RXRA: variants seen among roughly 807,000 people sequenced by gnomAD.
RXRA encodes the protein retinoid X receptor alpha.
A neutral mutation model predicts 44.5 loss-of-function variants in RXRA; 5 were observed. The observed-to-expected ratio is 0.11, with a 90% CI of 0.06 to 0.24. The LOEUF (loss-of-function observed/expected upper bound fraction) is 0.24, where lower values mean the gene tolerates loss of function less well. RXRA is among the 10% of genes least tolerant of loss of function. The probability of loss-of-function intolerance (pLI) is 1.00; values close to 1 mark genes in which losing one functional copy is unlikely to be tolerated. For missense variants in RXRA, 412 were observed against 646.5 expected, an observed-to-expected ratio of 0.64 and a Z score of 3.93; for synonymous variants, 291 against 271.4, an observed-to-expected ratio of 1.07 and a Z score of -0.71.
chr9:134,436,333 C>G, intron 9 of RXRA, 134 bp from the exon 10 acceptor site: 2 of 851,028 alleles, frequency 2.4e-6, no homozygotes, highest in Non-Finnish European at 3.7e-6. Context: ...TTGGCATAGG[C>G]AGATTCAGGG....
At chr9:134,430,009 C>G (rs950910915) in intron 7 of RXRA, among the ~76,000 whole-genome samples, 4 of 152,196 alleles carry the variant, frequency 2.6e-5, no homozygotes, top group Admixed American at 2.6e-4. Flanking sequence ...CCTCAGCCTC[C>G]CGAGTAGCTG....
rs1462146845 is a variant in RXRA, at chr9:134,343,232, C to A, written c.28+16573C>A. Among the ~76,000 whole-genome samples the A allele has an allele frequency of 6.6e-6, 1 of 152,110 alleles. No homozygotes were observed. The highest frequency in any genetic ancestry group is 2.4e-5 in the African/African-American group (1 of 41,418). On this transcript the variant is annotated intron_variant, in intron 1 of 9. Coordinates refer to ENST00000481739, the MANE Select transcript of RXRA (RefSeq NM_002957.6). The surrounding 1 kb of genome is among the most constrained non-coding windows in gnomAD (Gnocchi z 4.1). ...TGAGTGTCGACTTTCTCATCTGTGA[C>A]GTGGGGTGAGGGCACTTGCTGCCCA...
chr9:134,344,128 C>T (rs1830120372), intron 1 of RXRA, among the ~76,000 whole-genome samples: 1 of 152,214 alleles, frequency 6.6e-6, no homozygotes, highest in Non-Finnish European at 1.5e-5. Context: ...CCAGCGTTCC[C>T]TGCGCTTGAA....
In RXRA at chr9:134,439,096, A is replaced by T. The variant is rs1413886180; in HGVS notation, c.*2482A>T. Reference sequence around the variant, plus strand: ...AGAATTTCTATTTAACCAGACCTGTAGTAGTATTACCAATCCAGTTCAATT... The same window carrying T: ...AGAATTTCTATTTAACCAGACCTGTTGTAGTATTACCAATCCAGTTCAATT... On this transcript the variant is annotated 3_prime_UTR_variant, in exon 10 of 10. Transcript: ENST00000481739. The T allele has an allele frequency of 1.3e-5, 2 of 152,274 alleles. No homozygotes were observed. The highest frequency in any genetic ancestry group is 1.5e-5 in the Non-Finnish European group (1 of 68,056). 9.4% of individuals were successfully genotyped at this position (152,274 alleles called of 1,614,324 possible). A position where few individuals can be genotyped will look rare whatever the true frequency, so the allele number is the denominator to read the frequency against.
At chr9:134,416,813 C>G (rs1208664095) in intron 4 of RXRA, among the ~76,000 whole-genome samples, 2 of 152,192 alleles carry the variant, frequency 1.3e-5, no homozygotes, top group Non-Finnish European at 2.9e-5. Flanking sequence ...ACATTGACAC[C>G]TCTTCCAGGA....
At chr9:134,380,797 G>T (rs34732599) in intron 1 of RXRA, among the ~76,000 whole-genome samples, 7 of 151,786 alleles carry the variant, frequency 4.6e-5, no homozygotes, top group Non-Finnish European at 7.4e-5. Context: ...CAGAGGAAAG[G>T]CCTCCTCCAG....
chr9:134,427,251 T>C, intron 6 of RXRA: 2 of 813,088 alleles, frequency 2.5e-6, no homozygotes, highest in Non-Finnish European at 3.0e-6. Context: ...CTGGCTCGGC[T>C]GAGCCCTGGG....
At chr9:134,389,389 C>T (rs890983809) in intron 1 of RXRA, among the ~76,000 whole-genome samples, 15 of 152,030 alleles carry the variant, frequency 9.9e-5, no homozygotes, top group African/African-American at 3.6e-4. Context: ...AGGCCTGGCC[C>T]CAGGGGGTTA....
At chr9:134,424,267 T>TC in intron 6 of RXRA, 1 of 985,198 alleles carries the variant, frequency 1.0e-6, no homozygotes, top group South Asian at 4.7e-5. Context: ...GTGCCATGAG[T>TC]CCCCAGGCCC....
intron 1 of RXRA, among the ~76,000 whole-genome samples, chr9:134,327,784 A>G (rs1444154743): frequency 3.9e-5 from 6 of 152,124 alleles, no homozygotes; most frequent in Non-Finnish European, 7.4e-5. Context: ...TGTGAGGGTG[A>G]GAGTCTGAGT....
intron 5 of RXRA, among the ~76,000 whole-genome samples, chr9:134,419,985 C>G (rs186191205): frequency 6.6e-6 from 1 of 152,206 alleles, no homozygotes; most frequent in Non-Finnish European, 1.5e-5. Flanking sequence ...TGCAGAGGTC[C>G]CAGCCAGCCC....
In RXRA at chr9:134,439,416, G is replaced by A. The variant is rs184211302; in HGVS notation, c.*2802G>A. On this transcript the variant is annotated 3_prime_UTR_variant, in exon 10 of 10. Coordinates refer to ENST00000481739, the MANE Select transcript of RXRA (RefSeq NM_002957.6). ...GAGCCGGGCTCCCCTAGGCTGCGTCGGGCATGCTTGGAAGCTGGCCTGCCA... is the reference window on the plus strand; with the variant it reads ...GAGCCGGGCTCCCCTAGGCTGCGTCAGGCATGCTTGGAAGCTGGCCTGCCA... The A allele has an allele frequency of 5.3e-5, 8 of 152,348 alleles. No individual in the cohort carries two copies. The highest frequency in any genetic ancestry group is 1.4e-4 in the African/African-American group (6 of 41,562). The allele number at this position is 152,348 out of a possible 1,614,324, so 9.4% of individuals were successfully genotyped here.
intron 1 of RXRA, among the ~76,000 whole-genome samples, chr9:134,360,468 G>A (rs1830336813): frequency 2.0e-5 from 3 of 152,112 alleles, no homozygotes; most frequent in Admixed American, 1.3e-4. Flanking sequence ...TGGTCCCGCC[G>A]CCTGCAGCCT....
rs921364958 is a variant in RXRA, at chr9:134,349,514, C to T, written c.28+22855C>T. 6.6e-6 allele frequency among the ~76,000 whole-genome samples: 1 copy of T among 152,108 alleles called. No homozygotes were observed. Among genetic ancestry groups the T allele is most frequent in the African/African-American group, 2.4e-5 (1 of 41,422 alleles). ...CAGTGGTGCTGCGGGGGTGGCTCGG[C>T]CCTGAAGCTCGTGGCGGGCAGGAGT... On this transcript the variant is annotated intron_variant, in intron 1 of 9. Transcript: ENST00000481739. The surrounding 1 kb of genome is among the most constrained non-coding windows in gnomAD (Gnocchi z 4.3).
intron 1 of RXRA, among the ~76,000 whole-genome samples, chr9:134,331,354 C>G (rs1835001980): frequency 6.6e-6 from 1 of 152,244 alleles, no homozygotes; most frequent in African/African-American, 2.4e-5. Context: ...CAGAAAGCAG[C>G]TAAGGAAAAT....
chr9:134,425,812 C>G, intron 6 of RXRA: 3 of 985,420 alleles, frequency 3.0e-6, no homozygotes, highest in Non-Finnish European at 3.6e-6. Context: ...AGCCGTGACT[C>G]TGGGGGGGCC....
intron 9 of RXRA, among the ~76,000 whole-genome samples, chr9:134,435,593 G>A (rs552772509): frequency 1.8e-4 from 28 of 152,286 alleles, no homozygotes; most frequent in Admixed American, 1.6e-3. Context: ...GCACTCATGG[G>A]GTGCTGATGC....
At chr9:134,340,048 C>T (rs1046795735) in intron 1 of RXRA, among the ~76,000 whole-genome samples, 3 of 151,978 alleles carry the variant, frequency 2.0e-5, no homozygotes, top group Non-Finnish European at 4.4e-5. Flanking sequence ...TGTCTGTGTC[C>T]CTCTGTCCCT....
At position 134,337,694 on chromosome 9, in the gene RXRA, C is replaced by T. The variant is rs181036877; in HGVS notation, c.28+11035C>T. ...TGCGTAGGAGTTGGCCTGGGAAAAG[C>T]CAATGTCTCGTCCTCACACCTGTGT... is the stretch of plus-strand genomic sequence containing the variant. On this transcript the variant is annotated intron_variant, in intron 1 of 9. Transcript: ENST00000481739. Among the ~76,000 whole-genome samples, 86 of 152,206 alleles carry T rather than the reference C, an allele frequency of 5.7e-4. No homozygotes were observed. The East Asian group carries it at 6.2e-3, about 11-fold the overall frequency.
Sources: allele counts gnomAD v4.1 joint callset (sites outside exome capture counted in the v4.1 genomes callset), GRCh38; gene constraint gnomAD v4.1.1; non-coding constraint Gnocchi (gnomAD v3.1); transcripts MANE v1.5; gene names NCBI Gene and HGNC (gene_info 2026-07-23, HGNC 2026-07-21).